The following ITPA variants were observed in gnomAD, a reference collection of about 807,000 sequenced individuals.
The protein encoded by ITPA is inosine triphosphatase.
In ITPA, 29 loss-of-function variants were observed where a neutral mutation model predicts 29.6. That is an observed-to-expected ratio of 0.98 (90% CI 0.73 to 1.34). The LOEUF (loss-of-function observed/expected upper bound fraction) is 1.34, where lower values mean the gene tolerates loss of function less well. ITPA is among the 40% of genes most tolerant of loss of function. ITPA has a pLI of 0.00. For missense variants in ITPA, 241 were observed against 251.5 expected (o/e 0.96, Z 0.28); for synonymous variants, 103 against 99.3 (o/e 1.04, Z -0.22).
chr20:3,222,795 C>T (rs975085938), intron 7 of ITPA, among the ~76,000 whole-genome samples: 31 of 152,344 alleles, frequency 2.0e-4, no homozygotes, highest in Non-Finnish European at 3.1e-4. Context: ...CTGTGGAGCA[C>T]TTGCGTGTGG....
upstream of ITPA, among the ~76,000 whole-genome samples, chr20:3,206,254 G>A (rs868658600): frequency 6.6e-6 from 1 of 151,148 alleles, no homozygotes; most frequent in Admixed American, 6.6e-5. Context: ...TTGGCGTGGT[G>A]GTGGGTGCCT....
At chr20:3,211,206 C>T (rs2067165086) in intron 1 of ITPA, among the ~76,000 whole-genome samples, 1 of 150,576 alleles carries the variant, frequency 6.6e-6, no homozygotes, top group Admixed American at 6.6e-5. Flanking sequence ...CACTCTGTCG[C>T]CCAGGCTGGA....
chr20:3,219,288 C>T (rs183460753), intron 6 of ITPA, among the ~76,000 whole-genome samples: 2 of 147,386 alleles, frequency 1.4e-5, no homozygotes, highest in Admixed American at 1.4e-4. Context: ...CTCACTGCAA[C>T]CTCCGCCTCC....
rs1321017235 is a variant in ITPA at position 3,223,407 on chromosome 20, A to G, written c.530A>G (p.His177Arg). ...AAGGCGGAGAAGAACGCTGTCTCCC[A>G]TCGCTTCCGGGCCCTGCTGGAGCTG... ...MPKAEKNAVS[H>R]RFRALLELQE... is the part of the protein sequence containing the mutation. Residue 177 changes from histidine (H) to arginine (R), a missense_variant, in exon 8 of 8, where the codon CAT (histidine) becomes CGT (arginine). His to Arg is a conservative substitution (Grantham distance 29). Transcript: ENST00000380113. The G allele has an allele frequency of 1.2e-6, 2 of 1,613,906 alleles. No individual in the cohort carries two copies. Among genetic ancestry groups the G allele is most frequent in the Admixed American group, 1.7e-5 (1 of 60,006 alleles).
chr20:3,205,820 C>T (rs183345415), upstream of ITPA, among the ~76,000 whole-genome samples: 294 of 150,928 alleles, frequency 1.9e-3, no homozygotes, highest in Admixed American at 2.6e-3. Context: ...TTTGGGAGGC[C>T]GAGGTGGGCG....
chr20:3,207,305 T>G (rs1175880520), upstream of ITPA, among the ~76,000 whole-genome samples: 1 of 152,146 alleles, frequency 6.6e-6, no homozygotes, highest in Non-Finnish European at 1.5e-5. Flanking sequence ...TGTCTAGGCT[T>G]GTCTTGAACT....
chr20:3,216,421 G>A (rs529376982), intron 5 of ITPA, among the ~76,000 whole-genome samples: 30 of 149,700 alleles, frequency 2.0e-4, no homozygotes, highest in African/African-American at 7.4e-4. Flanking sequence ...GCCTCCCAAA[G>A]TGCTGGGATT....
upstream of ITPA, chr20:3,209,470 C>A: frequency 2.3e-6 from 3 of 1,310,832 alleles, no homozygotes; most frequent in African/African-American, 1.4e-5. This position sits in a 1 kb window ranked among gnomAD's most constrained non-coding sequence, Gnocchi z 4.6. Flanking sequence ...CTGAGCCGTT[C>A]ACTTCCGCCA....
At chr20:3,215,220 A>G (rs941296582) in intron 4 of ITPA, 61 bp from the exon 5 acceptor site, 19 of 1,546,688 alleles carry the variant, frequency 1.2e-5, no homozygotes, top group Non-Finnish European at 1.6e-5. Flanking sequence ...AACAGCCTGG[A>G]AAAGGTGGTA....
chr20:3,218,371 TG>T (rs2067365533), intron 5 of ITPA, 145 bp from the exon 6 acceptor site: 1 of 702,358 alleles, frequency 1.4e-6, no homozygotes, highest in Non-Finnish European at 2.6e-6. Flanking sequence ...CCCACTGCCT[TG>T]GGCTCTGCCG....
intron 6 of ITPA, chr20:3,219,196 CTTTTTTTTTTTT>C (rs1190462595): frequency 1.4e-4 from 9 of 66,174 alleles, no homozygotes; most frequent in South Asian, 9.1e-4. Flanking sequence ...AATCTTAATT[CTTTTTTTTTTTT>C]TTTTTTTTTT....
intron 1 of ITPA, among the ~76,000 whole-genome samples, chr20:3,212,603 G>A (rs1466090206): frequency 6.6e-6 from 1 of 152,162 alleles, no homozygotes; most frequent in Non-Finnish European, 1.5e-5. Context: ...TTACAGGCGT[G>A]AGCCACAGGA....
At chr20:3,217,340 G>A (rs2067330735) in intron 5 of ITPA, among the ~76,000 whole-genome samples, 1 of 152,136 alleles carries the variant, frequency 6.6e-6, no homozygotes, top group Non-Finnish European at 1.5e-5. Flanking sequence ...CCAGCTTCCA[G>A]GGTTATCAGC....
upstream of ITPA, among the ~76,000 whole-genome samples, chr20:3,205,553 A>G (rs930758161): frequency 6.6e-6 from 1 of 152,064 alleles, no homozygotes; most frequent in Non-Finnish European, 1.5e-5. Context: ...TACAAAAATT[A>G]GCCAGGTGTG....
rs1568521435 is a variant in ITPA at position 3,223,396 on chromosome 20, CGCT to C, written c.521_523del (p.Ala174del). The C allele has an allele frequency of 6.2e-7, 1 of 1,613,814 alleles. No individual in the cohort carries two copies. Among genetic ancestry groups the C allele is most frequent in the Non-Finnish European group, 8.5e-7 (1 of 1,179,914 alleles). ...CAGAGATGCCTAAGGCGGAGAAGAA[CGCT>C]GTCTCCCATCGCTTCCGGGCCCTGC... On this transcript the variant is annotated inframe_deletion, in exon 8 of 8. Transcript: ENST00000380113.
upstream of ITPA, among the ~76,000 whole-genome samples, chr20:3,205,072 G>A (rs970549807): frequency 1.3e-5 from 2 of 151,894 alleles, no homozygotes; most frequent in Non-Finnish European, 2.9e-5. Flanking sequence ...GGCTGGTCTC[G>A]AACTCCTGAC....
chr20:3,214,221 T>C (rs918946561), intron 4 of ITPA, among the ~76,000 whole-genome samples, 163 bp downstream of exon 4: 1 of 152,186 alleles, frequency 6.6e-6, no homozygotes, highest in Non-Finnish European at 1.5e-5. Flanking sequence ...GCCTTTCTTT[T>C]GTAAAGTGTG....
intron 5 of ITPA, among the ~76,000 whole-genome samples, chr20:3,218,064 T>C (rs556494926): frequency 5.9e-5 from 9 of 152,250 alleles, no homozygotes; most frequent in Admixed American, 1.3e-4. Context: ...GCTACAGGCA[T>C]CAGCCACCAC....
At position 3,209,703 on chromosome 20, in the gene ITPA, A is replaced by C; in HGVS notation, c.66+86A>C. 9.1e-7 allele frequency: 1 copy of C among 1,103,290 alleles called. No individual in the cohort carries two copies. Among genetic ancestry groups the C allele is most frequent in the Non-Finnish European group, 1.4e-6 (1 of 728,044 alleles). The allele number at this position is 1,103,290 out of a possible 1,614,324, so 68.3% of individuals were successfully genotyped here. On this transcript the variant is annotated intron_variant, in intron 1 of 7. Transcript: ENST00000380113. The surrounding 1 kb of genome is among the most constrained non-coding windows in gnomAD (Gnocchi z 4.6). ...TTCCGGGAGGAGGGAAGCACGTGGG[A>C]GGAGGCATGGAGAGAGAACAGAATT...
Sources: gnomAD v4.1 joint callset for allele counts (sites outside exome capture counted in the v4.1 genomes callset) on GRCh38, gnomAD v4.1.1 for gene constraint, Gnocchi (gnomAD v3.1) non-coding constraint, MANE v1.5 for transcripts, NCBI Gene and HGNC (gene_info 2026-07-23, HGNC 2026-07-21) for gene names.